Variants in DESI2 observed in about 807,000 individuals in gnomAD.
The protein encoded by DESI2 is desumoylating isopeptidase 2, also known as deubiquitinase DESI2.
DESI2 carries 10 observed loss-of-function variants against 24.1 expected under a neutral mutation model. That is an observed-to-expected ratio of 0.41 (90% CI 0.26 to 0.70). DESI2 has a LOEUF of 0.70. Ranked by LOEUF, DESI2 falls within the 30% of genes least tolerant of loss-of-function variation. The pLI is 0.29. For synonymous variants in DESI2, 71 were observed against 87.7 expected (o/e 0.81, Z 1.06); for missense variants, 122 against 234.9 (o/e 0.52, Z 3.14).
At chr1:244,662,388 A>G (rs1467050940) in intron 1 of DESI2, among the ~76,000 whole-genome samples, 1 of 152,064 alleles carries the variant, frequency 6.6e-6, no homozygotes, top group Non-Finnish European at 1.5e-5. Context: ...CCTGCTTTCG[A>G]TTTTTTTGGA....
chr1:244,660,659 G>A (rs186875164), intron 1 of DESI2, among the ~76,000 whole-genome samples: 1 of 152,276 alleles, frequency 6.6e-6, no homozygotes, highest in East Asian at 1.9e-4. Context: ...AGGACAATGG[G>A]ATGCATGAAA....
At chr1:244,679,496 T>C (rs1157164153) in intron 1 of DESI2, among the ~76,000 whole-genome samples, 1 of 152,210 alleles carries the variant, frequency 6.6e-6, no homozygotes, top group African/African-American at 2.4e-5. Flanking sequence ...CGTCCTACAC[T>C]CTGTCACACA....
At chr1:244,685,698 A>G (rs1469420236) in intron 1 of DESI2, among the ~76,000 whole-genome samples, 2 of 152,212 alleles carry the variant, frequency 1.3e-5, no homozygotes, top group African/African-American at 4.8e-5. Flanking sequence ...TAAGACTTGA[A>G]TAAACCTAGA....
intron 1 of DESI2, among the ~76,000 whole-genome samples, chr1:244,672,874 G>GTAATAATAATAA (rs55850553): frequency 6.0e-5 from 9 of 149,460 alleles, no homozygotes; most frequent in African/African-American, 2.0e-4. Context: ...GACTCTGTCT[G>GTAATAATAATAA]TAATAATAAT....
At chr1:244,700,228 G>A (rs1451444273) in intron 4 of DESI2, among the ~76,000 whole-genome samples, 1 of 152,088 alleles carries the variant, frequency 6.6e-6, no homozygotes, top group East Asian at 1.9e-4. Context: ...ACCTCGAGGT[G>A]GAAAAACTGG....
intron 1 of DESI2, among the ~76,000 whole-genome samples, chr1:244,661,368 T>C (rs1675833455): frequency 1.3e-5 from 2 of 152,218 alleles, no homozygotes; most frequent in Non-Finnish European, 2.9e-5. Context: ...CTGAGTAATA[T>C]TCCACTGTGT....
intron 1 of DESI2, chr1:244,654,053 G>A (rs1204903424): frequency 8.5e-6 from 4 of 469,930 alleles, no homozygotes; most frequent in African/African-American, 2.0e-5. Context: ...GTGACCACGG[G>A]AGAGGGAAGG....
intron 1 of DESI2, among the ~76,000 whole-genome samples, chr1:244,683,752 A>G (rs1463480955): frequency 1.3e-5 from 2 of 149,178 alleles, no homozygotes; most frequent in African/African-American, 4.9e-5. Flanking sequence ...ACAGGGTCTC[A>G]CTTTGTTGCC....
At chr1:244,672,343 C>T (rs889083861) in intron 1 of DESI2, among the ~76,000 whole-genome samples, 3 of 152,136 alleles carry the variant, frequency 2.0e-5, no homozygotes, top group African/African-American at 7.2e-5. Flanking sequence ...ATCTCTCTTG[C>T]TGCTGCTCTC....
intron 1 of DESI2, among the ~76,000 whole-genome samples, chr1:244,663,144 AG>A (rs1469968320): frequency 6.6e-6 from 1 of 152,122 alleles, no homozygotes; most frequent in Non-Finnish European, 1.5e-5. Context: ...ACTTTTTAAA[AG>A]TTAGGACCAT....
intron 1 of DESI2, among the ~76,000 whole-genome samples, chr1:244,684,660 T>C (rs1255626623): frequency 3.9e-5 from 6 of 152,238 alleles, no homozygotes; most frequent in Non-Finnish European, 5.9e-5. Context: ...TGATAGTTTA[T>C]AATATGAATG....
chr1:244,689,463 A>G lies in DESI2; in HGVS notation c.209+121A>G. The stretch of plus-strand genomic sequence containing the variant: ...GAAGTTAAAAATGTCTCTTTGTTTT[A>G]ATTGCTGACATTTTATATAACTCAA... On this transcript the variant is annotated intron_variant, in intron 3 of 4. Coordinates refer to ENST00000302550, the MANE Select transcript of DESI2 (RefSeq NM_016076.5). This position sits in a 1 kb window ranked among gnomAD's most constrained non-coding sequence, Gnocchi z 4.0. The G allele has an allele frequency of 3.5e-6, 2 of 577,362 alleles. No homozygotes were observed. Among genetic ancestry groups the G allele is most frequent in the Middle Eastern group, 5.8e-4 (2 of 3,454 alleles). 35.8% of individuals were successfully genotyped at this position (577,362 alleles called of 1,614,324 possible). A position where few individuals can be genotyped will look rare whatever the true frequency, so the allele number is the denominator to read the frequency against.
At chr1:244,700,926 T>A (rs934454819) in intron 4 of DESI2, among the ~76,000 whole-genome samples, 1 of 152,218 alleles carries the variant, frequency 6.6e-6, no homozygotes, top group East Asian at 1.9e-4. Context: ...ACAGTAAAAT[T>A]CATGTGTTTT....
rs1274118973 is a variant in DESI2, at chr1:244,668,360, G to A, written c.42+15005G>A. ...AGACCTCATAAGGTAGTTTAACAGT[G>A]TAAACTTACATCAAAGACAGTAATT... On this transcript the variant is annotated intron_variant, in intron 1 of 4. Transcript: ENST00000302550. Among the ~76,000 whole-genome samples the A allele has an allele frequency of 5.9e-5, 9 of 152,274 alleles. No homozygotes were observed. The East Asian group carries it at 1.7e-3, about 29-fold the overall frequency.
intron 4 of DESI2, 143 bp from the exon 5 acceptor site, chr1:244,705,413 A>G (rs1316825272): frequency 1.6e-5 from 10 of 635,352 alleles, no homozygotes; most frequent in Non-Finnish European, 2.5e-5. Flanking sequence ...CTTGTTATCA[A>G]AAGCCTGGAG....
At chr1:244,666,762 T>A (rs1676060533) in intron 1 of DESI2, among the ~76,000 whole-genome samples, 2 of 152,278 alleles carry the variant, frequency 1.3e-5, no homozygotes, top group African/African-American at 4.8e-5. Flanking sequence ...AGTTCCTTTT[T>A]AAAGACATAA....
rs895450074 is a variant in DESI2, at chr1:244,653,132, T to A, written c.-182T>A. On this transcript the variant is annotated 5_prime_UTR_variant, in exon 1 of 5. Coordinates refer to ENST00000302550, the MANE Select transcript of DESI2 (RefSeq NM_016076.5). ...GGTCCGGCCCCGTCCGCACAGACGC[T>A]CCTGTCGGCGGCGCCCGGGAGCGGC... The A allele has an allele frequency of 1.7e-5, 8 of 481,418 alleles. No individual in the cohort carries two copies. The highest frequency in any genetic ancestry group is 1.2e-4 in the African/African-American group (6 of 49,300). 29.8% of individuals were successfully genotyped at this position (481,418 alleles called of 1,614,324 possible).
chr1:244,684,203 A>T (rs1233924816), intron 1 of DESI2, among the ~76,000 whole-genome samples: 1 of 152,212 alleles, frequency 6.6e-6, no homozygotes, highest in Non-Finnish European at 1.5e-5. Flanking sequence ...ATTCAAATAA[A>T]TAAAAACCTG....
At position 244,653,151 on chromosome 1, in the gene DESI2, G is replaced by C. The variant is rs996401411; in HGVS notation, c.-163G>C. On this transcript the variant is annotated 5_prime_UTR_variant, in exon 1 of 5. Transcript: ENST00000302550. ...AGACGCTCCTGTCGGCGGCGCCCGGGAGCGGCTCGGCTGCCCGATGCTTCC... is the reference window on the plus strand; with the variant it reads ...AGACGCTCCTGTCGGCGGCGCCCGGCAGCGGCTCGGCTGCCCGATGCTTCC... 4 of 621,856 alleles carry C rather than the reference G, an allele frequency of 6.4e-6. No homozygotes were observed. Among genetic ancestry groups the C allele is most frequent in the Non-Finnish European group, 9.5e-6 (4 of 422,362 alleles). 38.5% of individuals were successfully genotyped at this position (621,856 alleles called of 1,614,324 possible).
Sources: allele counts gnomAD v4.1 joint callset (sites outside exome capture counted in the v4.1 genomes callset), GRCh38; gene constraint gnomAD v4.1.1; non-coding constraint Gnocchi (gnomAD v3.1); transcripts MANE v1.5; gene names NCBI Gene and HGNC (gene_info 2026-07-23, HGNC 2026-07-21).